FAM107B: variants seen among roughly 807,000 people sequenced by gnomAD.
The protein encoded by FAM107B is family with sequence similarity 107 member B, also known as protein FAM107B.
A neutral mutation model predicts 31.5 loss-of-function variants in FAM107B; 21 were observed. That is an observed-to-expected ratio of 0.67 (90% confidence interval 0.47 to 0.96). The LOEUF is 0.96. FAM107B is among the 40% of genes least tolerant of loss of function. FAM107B has a pLI of 0.00. For missense variants in FAM107B, 452 were observed against 377.1 expected, an observed-to-expected ratio of 1.20 and a Z score of -1.64; for synonymous variants, 157 against 141.5, an observed-to-expected ratio of 1.11 and a Z score of -0.78.
intron 2 of FAM107B, among the ~76,000 whole-genome samples, chr10:14,644,974 G>A (rs907789434): frequency 1.3e-5 from 2 of 152,212 alleles, no homozygotes; most frequent in Non-Finnish European, 2.9e-5. Flanking sequence ...TTGCATGAAT[G>A]GGCATAGGAG....
At chr10:14,587,848 A>G (rs1851893483) in intron 2 of FAM107B, among the ~76,000 whole-genome samples, 1 of 151,982 alleles carries the variant, frequency 6.6e-6, no homozygotes, top group Non-Finnish European at 1.5e-5. Context: ...TAATTCAGCA[A>G]CCCTGGGCTG....
chr10:14,584,992 T>G (rs1393345644), intron 2 of FAM107B, among the ~76,000 whole-genome samples: 1 of 152,184 alleles, frequency 6.6e-6, no homozygotes, highest in African/African-American at 2.4e-5. Flanking sequence ...AGCCTCTGAT[T>G]GCTCCCCTCT....
At chr10:14,695,610 C>G (rs1855247168) in intron 1 of FAM107B, among the ~76,000 whole-genome samples, 1 of 152,104 alleles carries the variant, frequency 6.6e-6, no homozygotes, top group South Asian at 2.1e-4. Context: ...TTAATTCTTC[C>G]AATCCATGAG....
chr10:14,595,127 G>T (rs1387287270), intron 2 of FAM107B, among the ~76,000 whole-genome samples: 1 of 151,702 alleles, frequency 6.6e-6, no homozygotes, highest in Non-Finnish European at 1.5e-5. Context: ...TGACTGCAAA[G>T]TCTAAAAACT....
chr10:14,667,697 C>A lies in FAM107B; in HGVS notation c.412-6G>T, dbSNP rs763890072. 2 of 1,613,930 alleles carry A rather than the reference C, an allele frequency of 1.2e-6. No individual in the cohort carries two copies. Among genetic ancestry groups the A allele is most frequent in the East Asian group, 2.2e-5 (1 of 44,890 alleles). On this transcript the variant is annotated splice_region_variant and splice_polypyrimidine_tract_variant and intron_variant, in intron 1 of 4. Transcript: ENST00000181796. ...TCTTCTCGAAATTCTTCTTCCTAAG[C>A]GCCAGCCCCATAAACCAGAAAAGCA...
chr10:14,569,490 A>G (rs1399054708), intron 2 of FAM107B, among the ~76,000 whole-genome samples: 1 of 152,174 alleles, frequency 6.6e-6, no homozygotes, highest in African/African-American at 2.4e-5. Context: ...AGCTAGACAG[A>G]CTCAACATAT....
intron 2 of FAM107B, among the ~76,000 whole-genome samples, chr10:14,560,065 C>T (rs888154909): frequency 2.0e-5 from 3 of 152,170 alleles, no homozygotes; most frequent in East Asian, 1.9e-4. Context: ...CTCTACAACC[C>T]GTTGCTCTAC....
chr10:14,761,431 T>A (rs953857760), intron 1 of FAM107B, among the ~76,000 whole-genome samples: 13 of 152,198 alleles, frequency 8.5e-5, no homozygotes, highest in Non-Finnish European at 1.9e-4. Context: ...ACATTGAGGC[T>A]TTTTATAAGT....
chr10:14,638,499 A>G (rs890795922), intron 2 of FAM107B, among the ~76,000 whole-genome samples: 2 of 152,230 alleles, frequency 1.3e-5, no homozygotes, highest in East Asian at 1.9e-4. Context: ...TCAAATGCTA[A>G]CTTTTTCTCA....
At chr10:14,656,565 T>C (rs1588687148) in intron 2 of FAM107B, among the ~76,000 whole-genome samples, 1 of 152,074 alleles carries the variant, frequency 6.6e-6, no homozygotes, top group Non-Finnish European at 1.5e-5. Flanking sequence ...TTTATACCAA[T>C]GTGGGGGAAG....
At chr10:14,767,093 G>GAC (rs1833195644) in intron 1 of FAM107B, among the ~76,000 whole-genome samples, 2 of 110,986 alleles carry the variant, frequency 1.8e-5, no homozygotes, top group Non-Finnish European at 3.5e-5. Context: ...GAGAGAGAGA[G>GAC]AGAGAGACAG....
intron 1 of FAM107B, among the ~76,000 whole-genome samples, chr10:14,773,913 G>A (rs1833361112): frequency 6.6e-6 from 1 of 151,908 alleles, no homozygotes; most frequent in Non-Finnish European, 1.5e-5. Context: ...GGTGGAGGGG[G>A]AAATAGAAAA....
intron 1 of FAM107B, among the ~76,000 whole-genome samples, chr10:14,721,041 G>A (rs557568957): frequency 1.7e-4 from 25 of 150,726 alleles, no homozygotes; most frequent in South Asian, 8.5e-4. Flanking sequence ...TCCCCGCCCC[G>A]TGTTCAAGTG....
intron 1 of FAM107B, among the ~76,000 whole-genome samples, chr10:14,676,197 C>T (rs1472950566): frequency 1.3e-5 from 2 of 152,108 alleles, no homozygotes; most frequent in Non-Finnish European, 2.9e-5. Context: ...ACTTATGTAG[C>T]AGCAGCATCT....
chr10:14,773,460 A>C (rs1004296), intron 1 of FAM107B, among the ~76,000 whole-genome samples: 66,576 of 152,016 alleles, frequency 0.44, 14,854 homozygotes, highest in African/African-American at 0.53. Flanking sequence ...ATGACCAAAA[A>C]TGGTCAAGAG....
intron 2 of FAM107B, among the ~76,000 whole-genome samples, chr10:14,590,581 A>G (rs1332593808): frequency 6.6e-6 from 1 of 152,196 alleles, no homozygotes; most frequent in Non-Finnish European, 1.5e-5. Flanking sequence ...ATTCGCTACG[A>G]TCATGCTTCT....
intron 1 of FAM107B, among the ~76,000 whole-genome samples, chr10:14,728,330 GGT>G (rs147215549): frequency 2.7e-4 from 39 of 147,082 alleles, no homozygotes; most frequent in East Asian, 2.6e-3. Flanking sequence ...TGGTATAAGG[GGT>G]GTGTGTGTGT....
At chr10:14,682,650 C>G (rs1854865721) in intron 1 of FAM107B, among the ~76,000 whole-genome samples, 1 of 152,080 alleles carries the variant, frequency 6.6e-6, no homozygotes, top group Non-Finnish European at 1.5e-5. Flanking sequence ...AACAGAAAAC[C>G]AAGCCTCACA....
chr10:14,571,826 C>T, intron 2 of FAM107B: 1 of 985,404 alleles, frequency 1.0e-6, no homozygotes, highest in Non-Finnish European at 1.2e-6. Flanking sequence ...AAAAATCATC[C>T]TTTAGCAAGA....
Sources: gnomAD v4.1 joint callset for allele counts (sites outside exome capture counted in the v4.1 genomes callset) on GRCh38, gnomAD v4.1.1 for gene constraint, MANE v1.5 for transcripts, NCBI Gene and HGNC (gene_info 2026-07-23, HGNC 2026-07-21) for gene names.